MNS1: variants seen among roughly 807,000 people sequenced by gnomAD.
The protein encoded by MNS1 is meiosis-specific nuclear structural protein 1.
A neutral mutation model predicts 72.0 loss-of-function variants in MNS1; 63 were observed. The observed-to-expected ratio is 0.87, with a 90% CI of 0.71 to 1.08. The LOEUF is 1.08. MNS1 is among the 50% of genes least tolerant of loss of function. The pLI is 0.00. For missense variants in MNS1, 604 were observed against 562.4 expected (o/e 1.07, Z -0.75); for synonymous variants, 188 against 172.1 (o/e 1.09, Z -0.72).
At chr15:56,453,425 A>G (rs2050961264) in intron 3 of MNS1, among the ~76,000 whole-genome samples, 1 of 152,022 alleles carries the variant, frequency 6.6e-6, no homozygotes, top group African/African-American at 2.4e-5. Flanking sequence ...AATCTATCTC[A>G]TCTATTTTAT....
At chr15:56,442,471 A>G (rs774856640) in intron 7 of MNS1, among the ~76,000 whole-genome samples, 14 of 152,226 alleles carry the variant, frequency 9.2e-5, no homozygotes, top group Non-Finnish European at 5.9e-5. Flanking sequence ...CACAATGGCA[A>G]AGATATGGAA....
intron 2 of MNS1, among the ~76,000 whole-genome samples, chr15:56,460,885 A>G (rs795777): frequency 0.011 from 1,643 of 152,326 alleles, 27 homozygotes; most frequent in African/African-American, 0.038. Flanking sequence ...GTAAGTGATT[A>G]TGAAGGCAGG....
chr15:56,445,319 C>T lies in MNS1; in HGVS notation c.457-646G>A, dbSNP rs554856304. Among the ~76,000 whole-genome samples, 3 of 152,012 alleles carry T rather than the reference C, an allele frequency of 2.0e-5. No homozygotes were observed. In the Middle Eastern group the frequency reaches 0.01, roughly 517 times the overall value. On this transcript the variant is annotated intron_variant, in intron 4 of 9. Transcript: ENST00000260453. ...TCTTTCTTCTTGGATGGGTTAAACC[C>T]CTTATTTCTTTTGAGCATTTTTCAA...
intron 2 of MNS1, among the ~76,000 whole-genome samples, chr15:56,459,066 A>T (rs766123256): frequency 2.6e-5 from 4 of 152,228 alleles, no homozygotes; most frequent in Non-Finnish European, 4.4e-5. Flanking sequence ...GAATGTTTAC[A>T]TCACCCCAAA....
chr15:56,462,718 G>A (rs750424135), intron 2 of MNS1, among the ~76,000 whole-genome samples: 3 of 152,140 alleles, frequency 2.0e-5, no homozygotes, highest in Non-Finnish European at 2.9e-5. Flanking sequence ...CTTGGATCTT[G>A]GTTAAAACAA....
Position 56,439,958 on chromosome 15 carries a change from A to C in MNS1, c.1011+3472T>G, listed in dbSNP as rs979415234. ...AAAATCGTGCTCTAAGATCATGTTAAAAGGATGAGAAGATAAAGCTACAGA... is the reference window on the plus strand; with the variant it reads ...AAAATCGTGCTCTAAGATCATGTTACAAGGATGAGAAGATAAAGCTACAGA... On this transcript the variant is annotated intron_variant, in intron 7 of 9. Coordinates refer to ENST00000260453, the MANE Select transcript of MNS1 (RefSeq NM_018365.4). Among the ~76,000 whole-genome samples the C allele has an allele frequency of 3.9e-5, 6 of 152,158 alleles. No homozygotes were observed. In the East Asian group the frequency reaches 1.2e-3, roughly 29 times the overall value.
chr15:56,440,355 A>G (rs1349017481), intron 7 of MNS1, among the ~76,000 whole-genome samples: 1 of 152,226 alleles, frequency 6.6e-6, no homozygotes, highest in Non-Finnish European at 1.5e-5. Flanking sequence ...CGTAACTCAT[A>G]TATTTCTGAT....
rs193009981 is a variant in MNS1 at position 56,464,086 on chromosome 15, T to C, written c.165A>G (p.Gln55=). 73 of 1,614,056 alleles carry C rather than the reference T, an allele frequency of 4.5e-5. No individual in the cohort carries two copies. The highest frequency in any genetic ancestry group is 3.8e-4 in the East Asian group (17 of 44,864). The change falls in exon 2 of 10, where the codon CAA becomes CAG. Residue 55 remains glutamine, a synonymous_variant. Transcript: ENST00000260453. ...NENDNRVQRK[Q]FLRLLQNEQF... ...GTTCATTTTGTAATAATCTGAGAAA[T>C]TGCTTGCGCTGAACACGGTTATCAT...
chr15:56,438,284 C>T (rs534899705), intron 7 of MNS1, among the ~76,000 whole-genome samples: 4 of 152,242 alleles, frequency 2.6e-5, no homozygotes, highest in Admixed American at 1.3e-4. Context: ...ACCAATGGAA[C>T]AGAACAGAGC....
At chr15:56,450,518 T>C (rs967569438) in intron 3 of MNS1, among the ~76,000 whole-genome samples, 2 of 152,248 alleles carry the variant, frequency 1.3e-5, no homozygotes, top group Admixed American at 6.5e-5. Context: ...GGAATTGTCC[T>C]TTTGTGTCTC....
chr15:56,445,141 C>T (rs879023464), intron 4 of MNS1, among the ~76,000 whole-genome samples: 1 of 151,964 alleles, frequency 6.6e-6, no homozygotes, highest in African/African-American at 2.4e-5. Context: ...TAAGTTTCTC[C>T]TAGCCTAAAC....
In MNS1 at chr15:56,464,007, A is replaced by T. The variant is rs776855010; in HGVS notation, c.225+19T>A. 1.5e-5 allele frequency: 23 copies of T among 1,580,520 alleles called. No individual in the cohort carries two copies. ...GGTGCAAAATGAAAAAAAAAGTAACAATGAATAGTAAAACTTACCTTTTGA... is the reference window on the plus strand; with the variant it reads ...GGTGCAAAATGAAAAAAAAAGTAACTATGAATAGTAAAACTTACCTTTTGA... On this transcript the variant is annotated intron_variant, in intron 2 of 9. Coordinates refer to ENST00000260453, the MANE Select transcript of MNS1 (RefSeq NM_018365.4).
chr15:56,450,125 T>C (rs367653024), intron 3 of MNS1, among the ~76,000 whole-genome samples: 2 of 152,232 alleles, frequency 1.3e-5, no homozygotes, highest in Admixed American at 6.5e-5. Flanking sequence ...GTTTGTTTTC[T>C]AGTAATTCCA....
At chr15:56,446,014 A>C (rs2050899185) in intron 4 of MNS1, 1 of 152,020 alleles carries the variant, frequency 6.6e-6, no homozygotes, top group African/African-American at 2.4e-5. Flanking sequence ...TACCCGCTAG[A>C]CATTTTCTAT....
intron 5 of MNS1, 28 bp from the exon 6 acceptor site, chr15:56,443,882 A>G: frequency 6.9e-7 from 1 of 1,448,558 alleles, no homozygotes. Context: ...GTACAGATTT[A>G]TAGTAAACAA....
chr15:56,436,935 A>C (rs575968109), intron 7 of MNS1, among the ~76,000 whole-genome samples: 1 of 152,288 alleles, frequency 6.6e-6, no homozygotes, highest in Admixed American at 6.5e-5. Flanking sequence ...GACCAATAAC[A>C]GGCTCTGAAA....
intron 2 of MNS1, 38 bp downstream of exon 2, chr15:56,463,988 A>G: frequency 6.5e-7 from 1 of 1,539,896 alleles, no homozygotes. Flanking sequence ...CCAAGGTGCA[A>G]AATGAAAAAA....
intron 2 of MNS1, among the ~76,000 whole-genome samples, chr15:56,460,009 A>AAAAATATATATATATATATAT: frequency 3.8e-5 from 1 of 26,388 alleles, no homozygotes; most frequent in African/African-American, 1.5e-4. Flanking sequence ...AAAAAAAAAA[A>AAAAATATATATATATATATAT]ATACATATAT....
rs367655780 is a variant in MNS1, at chr15:56,434,227, C to T, written c.1180G>A (p.Ala394Thr). 34 of 1,613,808 alleles carry T rather than the reference C, an allele frequency of 2.1e-5. No homozygotes were observed. Among genetic ancestry groups the T allele is most frequent in the Non-Finnish European group, 2.8e-5 (33 of 1,179,908 alleles). Residue 394 changes from alanine (A) to threonine (T), a missense_variant, in exon 8 of 10, where the codon GCT (alanine) becomes ACT (threonine). Coordinates refer to ENST00000260453, the MANE Select transcript of MNS1 (RefSeq NM_018365.4). ...AGCTGCTTCATTCTTTGTTTCTGAG[C>T]ATTCATTAATTCTATTCGATCATCC... is the stretch of plus-strand genomic sequence containing the variant. ...AEDDRIELMN[A>T]QKQRMKQLEH...
Sources: gnomAD v4.1 joint callset for allele counts (sites outside exome capture counted in the v4.1 genomes callset) on GRCh38, gnomAD v4.1.1 for gene constraint, MANE v1.5 for transcripts, NCBI Gene and HGNC (gene_info 2026-07-23, HGNC 2026-07-21) for gene names.